The following DOCK8 variants were observed in gnomAD, a reference collection of about 807,000 sequenced individuals.
The protein encoded by DOCK8 is dedicator of cytokinesis protein 8.
A neutral mutation model predicts 245.6 loss-of-function variants in DOCK8; 141 were observed. The ratio of observed to expected loss-of-function variants is 0.57; its 90% CI spans 0.50 to 0.66. The LOEUF (loss-of-function observed/expected upper bound fraction) is 0.66. Ranked by LOEUF, DOCK8 falls within the 30% of genes least tolerant of loss-of-function variation. The probability of loss-of-function intolerance (pLI) is 0.00; values close to 1 mark genes in which losing one functional copy is unlikely to be tolerated. For missense variants in DOCK8, 2,965 were observed against 2,603.4 expected (o/e 1.14, Z -3.02); for synonymous variants, 1,168 against 970.2 (o/e 1.20, Z -3.79).
intron 39 of DOCK8, among the ~76,000 whole-genome samples, chr9:436,096 G>C (rs1564066971): frequency 6.6e-6 from 1 of 152,246 alleles, no homozygotes; most frequent in Admixed American, 6.5e-5. Context: ...TAGAGAATAA[G>C]TCACTGAAAC....
intron 1 of DOCK8, among the ~76,000 whole-genome samples, chr9:243,675 T>C (rs2047431905): frequency 2.0e-5 from 3 of 152,040 alleles, no homozygotes; most frequent in Admixed American, 2.0e-4. Context: ...TCCCTACCTT[T>C]CCCCTGCAGC....
At chr9:308,221 CAAAG>C (rs1189515179) in intron 5 of DOCK8, among the ~76,000 whole-genome samples, 2 of 152,076 alleles carry the variant, frequency 1.3e-5, no homozygotes, top group African/African-American at 4.8e-5. Context: ...GTTCCCAACA[CAAAG>C]AAATGATAAT....
intron 2 of DOCK8, chr9:284,514 G>A (rs1180050863): frequency 6.6e-6 from 1 of 152,254 alleles, no homozygotes; most frequent in African/African-American, 2.4e-5. Flanking sequence ...CTCAGCTACT[G>A]AGGTTGTCCT....
intron 5 of DOCK8, among the ~76,000 whole-genome samples, chr9:311,010 G>T (rs2050083708): frequency 6.6e-6 from 1 of 152,114 alleles, no homozygotes; most frequent in Admixed American, 6.6e-5. Flanking sequence ...ATGGGGCCGG[G>T]CGCAGTGGCT....
At chr9:243,009 G>A (rs1475843716) in intron 1 of DOCK8, among the ~76,000 whole-genome samples, 1 of 152,102 alleles carries the variant, frequency 6.6e-6, no homozygotes, top group Non-Finnish European at 1.5e-5. Context: ...CTTTTCATTA[G>A]AGCAGGCCAA....
At chr9:242,724 T>C (rs568084389) in intron 1 of DOCK8, among the ~76,000 whole-genome samples, 2 of 152,196 alleles carry the variant, frequency 1.3e-5, no homozygotes, top group African/African-American at 4.8e-5. Flanking sequence ...TTCTTGCCTT[T>C]GCCAATCATT....
intron 41 of DOCK8, among the ~76,000 whole-genome samples, chr9:441,622 T>C (rs2131811841): frequency 6.6e-6 from 1 of 152,364 alleles, no homozygotes; most frequent in East Asian, 1.9e-4. Context: ...TAAATTACTT[T>C]ATAACCAGGA....
In DOCK8 at chr9:324,779, T is replaced by C. The variant is rs2050682759; in HGVS notation, c.828-892T>C. Among the ~76,000 whole-genome samples, 3 of 152,230 alleles carry C rather than the reference T, an allele frequency of 2.0e-5. No homozygotes were observed. In the South Asian group the frequency reaches 6.2e-4, roughly 31 times the overall value. ...ATTGAACTTTTCTTTTGTTGCCATC[T>C]GAAAAGCCCCATTCCTTAGAATTGA... is the stretch of plus-strand genomic sequence containing the variant. On this transcript the variant is annotated intron_variant, in intron 7 of 47. Coordinates refer to ENST00000432829, the MANE Select transcript of DOCK8 (RefSeq NM_203447.4).
intron 4 of DOCK8, among the ~76,000 whole-genome samples, chr9:296,927 C>A (rs1195154171): frequency 6.6e-6 from 1 of 152,226 alleles, no homozygotes; most frequent in South Asian, 2.1e-4. Context: ...CCTCCTCACA[C>A]CATGTGGGTT....
intron 42 of DOCK8, 152 bp downstream of exon 42, chr9:442,161 A>G: frequency 9.3e-7 from 1 of 1,074,386 alleles, no homozygotes; most frequent in Non-Finnish European, 1.4e-6. Flanking sequence ...AAGGCAAAGT[A>G]GAAAGGTATT....
At chr9:415,692 G>GCACACACTCACACACGCACACA (rs1554699022) in intron 29 of DOCK8, among the ~76,000 whole-genome samples, 1 of 150,978 alleles carries the variant, frequency 6.6e-6, no homozygotes, top group East Asian at 2.0e-4. Flanking sequence ...GTGCGCGCGT[G>GCACACACTCACACACGCACACA]CACACACACA....
intron 29 of DOCK8, among the ~76,000 whole-genome samples, chr9:415,967 G>A (rs2131609343): frequency 6.6e-6 from 1 of 152,296 alleles, no homozygotes; most frequent in South Asian, 2.1e-4. Flanking sequence ...TCATGAAAAT[G>A]GGACCAAACG....
intron 46 of DOCK8, among the ~76,000 whole-genome samples, chr9:463,263 TAATAA>T (rs1472666567): frequency 9.3e-6 from 1 of 107,146 alleles, no homozygotes; most frequent in Non-Finnish European, 2.1e-5. Flanking sequence ...TCTCAAAAAA[TAATAA>T]AATAAGGTAA....
rs924532099 is a variant in DOCK8 at position 465,066 on chromosome 9, A to G, written c.*847A>G. The G allele has an allele frequency of 2.6e-5, 4 of 152,598 alleles. No homozygotes were observed. The highest frequency in any genetic ancestry group is 2.6e-4 in the Admixed American group (4 of 15,270). The allele number at this position is 152,598 out of a possible 1,614,324, so 9.5% of individuals were successfully genotyped here. The stretch of plus-strand genomic sequence containing the variant: ...ATAAAGCAATAATATCTCTGTTTTC[A>G]TTTCAGAACATTGTGCTGTCTGTCA... On this transcript the variant is annotated 3_prime_UTR_variant, in exon 48 of 48. Transcript: ENST00000432829.
At chr9:226,641 C>A (rs1470353818) in intron 1 of DOCK8, among the ~76,000 whole-genome samples, 2 of 152,030 alleles carry the variant, frequency 1.3e-5, no homozygotes, top group Admixed American at 1.3e-4. Flanking sequence ...AAAGAGAAAT[C>A]AAGATGTCTC....
intron 1 of DOCK8, among the ~76,000 whole-genome samples, chr9:261,179 A>G (rs1288399452): frequency 6.6e-6 from 1 of 152,128 alleles, no homozygotes; most frequent in African/African-American, 2.4e-5. Flanking sequence ...ACATTGTACA[A>G]TATGCTTTTT....
Position 253,663 on chromosome 9 carries a change from C to T in DOCK8, c.54-17964C>T, listed in dbSNP as rs191494274. Among the ~76,000 whole-genome samples, 93 of 152,310 alleles carry T rather than the reference C, an allele frequency of 6.1e-4. 1 individual carries two copies. Among genetic ancestry groups the T allele is most frequent in the African/African-American group, 2.2e-3 (91 of 41,570 alleles). ...CTCTCTTCTTGTGGGGAATACCTTG[C>T]CCTTGACCAAAAGCCTTGTCCCAGA... On this transcript the variant is annotated intron_variant, in intron 1 of 47. Transcript: ENST00000432829.
At chr9:234,823 T>C (rs886686190) in intron 1 of DOCK8, among the ~76,000 whole-genome samples, 1 of 152,098 alleles carries the variant, frequency 6.6e-6, no homozygotes, top group African/African-American at 2.4e-5. Context: ...AGCTTTTAAC[T>C]TCTTTGCCAT....
chr9:277,956 A>T (rs182881344), intron 2 of DOCK8, among the ~76,000 whole-genome samples: 17 of 152,296 alleles, frequency 1.1e-4, no homozygotes, highest in Admixed American at 1.1e-3. Context: ...TAATTGCCTG[A>T]TAAATATGGT....
Sources: allele counts gnomAD v4.1 joint callset (sites outside exome capture counted in the v4.1 genomes callset), GRCh38; gene constraint gnomAD v4.1.1; transcripts MANE v1.5; gene names NCBI Gene and HGNC (gene_info 2026-07-23, HGNC 2026-07-21).